CCDC178: variants seen among roughly 807,000 people sequenced by gnomAD.
CCDC178 encodes coiled-coil domain containing 178.
A neutral mutation model predicts 117.4 loss-of-function variants in CCDC178; 126 were observed. That is an observed-to-expected ratio of 1.07 (90% confidence interval 0.93 to 1.24). The LOEUF is 1.24. Ranked by LOEUF, CCDC178 falls within the 50% of genes most tolerant of loss-of-function variation. The pLI, the probability that CCDC178 is intolerant of heterozygous loss-of-function variation, is 0.00. For missense variants in CCDC178, 1,030 were observed against 986.9 expected (o/e 1.04, Z -0.59); for synonymous variants, 283 against 313.4 (o/e 0.90, Z 1.02).
At chr18:33,324,184 CTTCT>C (rs1259236666) in intron 10 of CCDC178, among the ~76,000 whole-genome samples, 2 of 151,964 alleles carry the variant, frequency 1.3e-5, no homozygotes, top group South Asian at 2.1e-4. Context: ...CCATCTCTTC[CTTCT>C]GTCTCTCTCT....
At chr18:33,067,015 T>A (rs563607083) in intron 21 of CCDC178, among the ~76,000 whole-genome samples, 33 of 152,220 alleles carry the variant, frequency 2.2e-4, no homozygotes, top group Non-Finnish European at 3.7e-4. Context: ...TTAACAAACA[T>A]ATGTAGAACA....
rs145349372 is a variant in CCDC178, at chr18:33,011,877, A to C, written c.2389-37196T>G. On this transcript the variant is annotated intron_variant, in intron 21 of 22. Transcript: ENST00000383096. ...AGTTTCCCTGTTGGAGATGATGGTT[A>C]CGGTGGGCTGCAGTGATCGGGCTAT... Among the ~76,000 whole-genome samples, 180 of 141,440 alleles carry C rather than the reference A, an allele frequency of 1.3e-3. 1 individual carries two copies. Among genetic ancestry groups the C allele is most frequent in the African/African-American group, 4.5e-3 (172 of 38,400 alleles). 92.8% of individuals were successfully genotyped at this position (141,440 alleles called of 152,430 possible).
intron 20 of CCDC178, among the ~76,000 whole-genome samples, chr18:33,157,056 TG>T (rs2058409810): frequency 6.6e-6 from 1 of 152,228 alleles, no homozygotes; most frequent in Admixed American, 6.5e-5. Context: ...ATCAATATGA[TG>T]GCTAAGTACT....
chr18:33,400,550 T>A (rs2063695985), intron 3 of CCDC178, among the ~76,000 whole-genome samples: 1 of 152,180 alleles, frequency 6.6e-6, no homozygotes, highest in Non-Finnish European at 1.5e-5. Flanking sequence ...TTCCTTAGAC[T>A]TCATGAACCA....
At chr18:33,198,773 G>C (rs2058962073) in intron 20 of CCDC178, among the ~76,000 whole-genome samples, 1 of 152,038 alleles carries the variant, frequency 6.6e-6, no homozygotes, top group Non-Finnish European at 1.5e-5. Context: ...TTCTCTCCTT[G>C]AAAACTTTTC....
At chr18:33,383,529 A>C (rs1489005889) in intron 5 of CCDC178, among the ~76,000 whole-genome samples, 2 of 152,100 alleles carry the variant, frequency 1.3e-5, no homozygotes, top group Non-Finnish European at 2.9e-5. Flanking sequence ...GCAGGAAGCA[A>C]TCTTTGCTAT....
At position 33,334,993 on chromosome 18, in the gene CCDC178, G is replaced by A. The variant is rs72948881; in HGVS notation, c.659-1599C>T. Reference sequence around the variant, plus strand: ...CTATTAATCATTGCTATATCCCTATGTATTTTCATTCCTAATCTGAATCAG... The same window carrying A: ...CTATTAATCATTGCTATATCCCTATATATTTTCATTCCTAATCTGAATCAG... On this transcript the variant is annotated intron_variant, in intron 9 of 22. Coordinates refer to ENST00000383096, the MANE Select transcript of CCDC178 (RefSeq NM_001105528.4). Among the ~76,000 whole-genome samples the A allele has an allele frequency of 7.0e-3, 1,065 of 152,004 alleles. 5 individuals are homozygous for A. Among genetic ancestry groups the A allele is most frequent in the Non-Finnish European group, 0.011 (722 of 67,882 alleles).
intron 20 of CCDC178, among the ~76,000 whole-genome samples, chr18:33,109,386 T>C (rs1489524206): frequency 6.6e-6 from 1 of 151,620 alleles, no homozygotes; most frequent in African/African-American, 2.4e-5. Flanking sequence ...CTCACTTTTC[T>C]TTTACTAAAA....
chr18:33,318,422 G>A (rs891426619), intron 11 of CCDC178, among the ~76,000 whole-genome samples: 1 of 152,176 alleles, frequency 6.6e-6, no homozygotes, highest in African/African-American at 2.4e-5. Context: ...CAGTCATATG[G>A]TCTTCATGTT....
At chr18:33,346,750 T>C (rs994057647) in intron 8 of CCDC178, among the ~76,000 whole-genome samples, 1 of 152,108 alleles carries the variant, frequency 6.6e-6, no homozygotes. Flanking sequence ...TGCTTGTGTG[T>C]CCTCCTATTC....
chr18:33,401,240 A>T (rs1397984771), intron 3 of CCDC178, among the ~76,000 whole-genome samples: 1 of 152,250 alleles, frequency 6.6e-6, no homozygotes, highest in African/African-American at 2.4e-5. Flanking sequence ...ACATTGATAC[A>T]TGAAGTTTTT....
chr18:33,385,991 A>G (rs2063487023), intron 5 of CCDC178, among the ~76,000 whole-genome samples: 1 of 152,210 alleles, frequency 6.6e-6, no homozygotes, highest in Admixed American at 6.5e-5. Context: ...AGATTCAAAT[A>G]AACAATCAGA....
chr18:33,191,781 C>T lies in CCDC178; in HGVS notation c.2238+20115G>A, dbSNP rs563090168. On this transcript the variant is annotated intron_variant, in intron 20 of 22. Transcript: ENST00000383096. ...TAATATGAGATAGAAGAAAATAAAACGAGAGACAGACAAATACAAATTCCA... is the reference window on the plus strand; with the variant it reads ...TAATATGAGATAGAAGAAAATAAAATGAGAGACAGACAAATACAAATTCCA... Among the ~76,000 whole-genome samples the T allele has an allele frequency of 4.0e-5, 6 of 151,834 alleles. No homozygotes were observed. The South Asian group carries it at 8.3e-4, about 21-fold the overall frequency.
intron 14 of CCDC178, among the ~76,000 whole-genome samples, chr18:33,245,674 T>C (rs1599046768): frequency 2.6e-5 from 4 of 151,858 alleles, no homozygotes; most frequent in South Asian, 4.1e-4. Flanking sequence ...TAAGAAAGGC[T>C]TGGGGAATCC....
intron 22 of CCDC178, among the ~76,000 whole-genome samples, chr18:32,947,592 T>TA (rs1233981811): frequency 1.3e-5 from 2 of 152,218 alleles, no homozygotes; most frequent in Non-Finnish European, 2.9e-5. Flanking sequence ...TTTCTTTTTT[T>TA]AACATTTATA....
In CCDC178 at chr18:33,086,425, T is replaced by TATACAC. The variant is rs1555640149; in HGVS notation, c.2388+6335_2388+6336insGTGTAT. Among the ~76,000 whole-genome samples the TATACAC allele has an allele frequency of 7.1e-3, 1,056 of 147,910 alleles. 10 individuals carry two copies. The highest frequency in any genetic ancestry group is 0.024 in the African/African-American group (986 of 40,288). ...GTATATATACATATATAAATATATA[T>TATACAC]ACACACACACACACACACACATATA... On this transcript the variant is annotated intron_variant, in intron 21 of 22. Transcript: ENST00000383096.
chr18:33,404,239 A>ACTT (rs1209662625), intron 3 of CCDC178, among the ~76,000 whole-genome samples: 1 of 152,162 alleles, frequency 6.6e-6, no homozygotes, highest in East Asian at 1.9e-4. Context: ...ACTTTAACAA[A>ACTT]TACACAACAC....
chr18:33,308,517 C>A (rs557141409), intron 11 of CCDC178, among the ~76,000 whole-genome samples: 1 of 152,186 alleles, frequency 6.6e-6, no homozygotes, highest in South Asian at 2.1e-4. Flanking sequence ...TGAGTTAGTG[C>A]TGGAATGAGT....
At chr18:33,239,638 A>C (rs192248629) in intron 15 of CCDC178, among the ~76,000 whole-genome samples, 5 of 152,150 alleles carry the variant, frequency 3.3e-5, no homozygotes, top group Admixed American at 3.3e-4. Context: ...AAAAAAGATT[A>C]ATTCAGTAAG....
Sources: gnomAD v4.1 joint callset for allele counts (sites outside exome capture counted in the v4.1 genomes callset) on GRCh38, gnomAD v4.1.1 for gene constraint, MANE v1.5 for transcripts, NCBI Gene and HGNC (gene_info 2026-07-23, HGNC 2026-07-21) for gene names.